THSD4: variants seen among roughly 807,000 people sequenced by gnomAD.
THSD4 encodes thrombospondin type 1 domain containing 4.
In THSD4, 69 loss-of-function variants were observed where a neutral mutation model predicts 119.0. The observed-to-expected ratio is 0.58, with a 90% CI of 0.48 to 0.71. The LOEUF (loss-of-function observed/expected upper bound fraction) is 0.71. Among genes scored for constraint, THSD4 ranks in the 30% least tolerant of loss-of-function variants. The pLI, the probability that THSD4 is intolerant of heterozygous loss-of-function variation, is 0.00. For synonymous variants in THSD4, 524 were observed against 540.4 expected (o/e 0.97, Z 0.42); for missense variants, 1,393 against 1,391.1 (o/e 1.00, Z -0.02).
chr15:71,411,058 T>G (rs1175663239), intron 6 of THSD4, among the ~76,000 whole-genome samples: 3 of 152,150 alleles, frequency 2.0e-5, no homozygotes, highest in Non-Finnish European at 4.4e-5. Flanking sequence ...ATAAAAATTA[T>G]GTGCTCACTG....
At chr15:71,616,288 A>T (rs2050317818) in intron 7 of THSD4, among the ~76,000 whole-genome samples, 1 of 152,212 alleles carries the variant, frequency 6.6e-6, no homozygotes, top group South Asian at 2.1e-4. Context: ...AGGTTTAAAA[A>T]GTGAATCTAA....
chr15:71,498,689 A>G (rs2048064502), intron 7 of THSD4, among the ~76,000 whole-genome samples: 1 of 151,832 alleles, frequency 6.6e-6, no homozygotes, highest in South Asian at 2.1e-4. Context: ...AACCAAGTTA[A>G]TCTTTTTTTT....
rs568978330 is a variant in THSD4, at chr15:71,695,714, G to A, written c.1358-32835G>A. The stretch of plus-strand genomic sequence containing the variant: ...CCCTGCACACTCAGGAGGCAGGACG[G>A]ATGTTGCTTTCTTCTTCCTTCACAA... On this transcript the variant is annotated intron_variant, in intron 8 of 17. Transcript: ENST00000261862. Among the ~76,000 whole-genome samples, 10 of 152,224 alleles carry A rather than the reference G, an allele frequency of 6.6e-5. No individual in the cohort carries two copies. The South Asian group carries it at 1.9e-3, about 28-fold the overall frequency.
chr15:71,233,591 T>C (rs1256336480), intron 4 of THSD4, among the ~76,000 whole-genome samples: 1 of 152,244 alleles, frequency 6.6e-6, no homozygotes, highest in Non-Finnish European at 1.5e-5. Flanking sequence ...TATCAGTATA[T>C]ACACAGCTGC....
chr15:71,180,619 C>A (rs1471200014), intron 3 of THSD4, among the ~76,000 whole-genome samples: 1 of 152,130 alleles, frequency 6.6e-6, no homozygotes, highest in African/African-American at 2.4e-5. Flanking sequence ...ATATAAGCAA[C>A]AACCGAAATA....
At chr15:71,389,896 A>C (rs1435656836) in intron 6 of THSD4, among the ~76,000 whole-genome samples, 3 of 136,312 alleles carry the variant, frequency 2.2e-5, no homozygotes, top group Non-Finnish European at 3.0e-5. Context: ...TGCAACCTCC[A>C]CCTCCTGGGT....
chr15:71,568,424 C>G (rs1308768621), intron 7 of THSD4, among the ~76,000 whole-genome samples: 1 of 152,094 alleles, frequency 6.6e-6, no homozygotes, highest in Non-Finnish European at 1.5e-5. Flanking sequence ...TTTGCTGAAT[C>G]AGGATTCAGG....
intron 2 of THSD4, among the ~76,000 whole-genome samples, chr15:71,148,299 A>C (rs2040684010): frequency 6.6e-6 from 1 of 152,118 alleles, no homozygotes; most frequent in Non-Finnish European, 1.5e-5. Flanking sequence ...AGTAAACAAC[A>C]CCTGATAGCA....
intron 6 of THSD4, among the ~76,000 whole-genome samples, chr15:71,259,150 A>G (rs964739173): frequency 1.3e-5 from 2 of 152,042 alleles, no homozygotes; most frequent in African/African-American, 4.8e-5. Context: ...GAAGAGGAGA[A>G]AGGACACAGA....
At chr15:71,301,026 T>C (rs1359155322) in intron 6 of THSD4, among the ~76,000 whole-genome samples, 1 of 152,224 alleles carries the variant, frequency 6.6e-6, no homozygotes, top group Non-Finnish European at 1.5e-5. Flanking sequence ...TTTAAAATAA[T>C]CTGGGCCTTT....
In THSD4 at chr15:71,401,924, A is replaced by G. The variant is rs183824634; in HGVS notation, c.1016-9763A>G. On this transcript the variant is annotated intron_variant, in intron 6 of 17. Coordinates refer to ENST00000261862, the MANE Select transcript of THSD4 (RefSeq NM_024817.3). ...ACACCATGGAATACTATGCAGCCAT[A>G]AAAAAGGATGAGTTCATGTCCTTTG... Among the ~76,000 whole-genome samples the G allele has an allele frequency of 3.2e-3, 494 of 152,302 alleles. 2 individuals are homozygous for G. The highest frequency in any genetic ancestry group is 0.011 in the African/African-American group (477 of 41,566).
intron 7 of THSD4, among the ~76,000 whole-genome samples, chr15:71,494,667 T>C (rs1056281030): frequency 3.3e-5 from 5 of 152,104 alleles, no homozygotes; most frequent in African/African-American, 1.2e-4. Context: ...GGTGGCTTTA[T>C]AAACCATTAC....
intron 3 of THSD4, among the ~76,000 whole-genome samples, chr15:71,201,760 C>A (rs1264530503): frequency 2.6e-5 from 4 of 152,064 alleles, no homozygotes; most frequent in African/African-American, 9.7e-5. Flanking sequence ...TGGCTCGGAG[C>A]CAGGGGGACT....
intron 11 of THSD4, among the ~76,000 whole-genome samples, chr15:71,740,149 G>T (rs2053207351): frequency 6.6e-6 from 1 of 152,112 alleles, no homozygotes; most frequent in Non-Finnish European, 1.5e-5. Context: ...AAAGAATCTG[G>T]ACTGCAGATT....
intron 11 of THSD4, among the ~76,000 whole-genome samples, chr15:71,744,680 C>T (rs1477673849): frequency 4.6e-5 from 7 of 152,284 alleles, no homozygotes; most frequent in Admixed American, 6.5e-5. Flanking sequence ...TTCTCTAGAA[C>T]GAAGCTTGGC....
intron 7 of THSD4, among the ~76,000 whole-genome samples, chr15:71,417,397 G>T (rs2046772433): frequency 9.3e-6 from 1 of 107,728 alleles, no homozygotes; most frequent in Non-Finnish European, 2.0e-5. Flanking sequence ...AATCCATTTT[G>T]GTTTGATTTT....
intron 7 of THSD4, among the ~76,000 whole-genome samples, chr15:71,518,912 A>C (rs1312402242): frequency 6.6e-6 from 1 of 152,218 alleles, no homozygotes; most frequent in African/African-American, 2.4e-5. Context: ...GATCTTATGG[A>C]GCATATGCCC....
chr15:71,204,478 A>G (rs1187825829), intron 3 of THSD4, among the ~76,000 whole-genome samples: 7 of 152,268 alleles, frequency 4.6e-5, no homozygotes, highest in South Asian at 2.1e-4. Flanking sequence ...AAGCGAATCA[A>G]TAAGTGGCAA....
At position 71,151,199 on chromosome 15, in the gene THSD4, G is replaced by A. The variant is rs77764237; in HGVS notation, c.30-3664G>A. On this transcript the variant is annotated intron_variant, in intron 2 of 17. Transcript: ENST00000261862. ...CAGGCAACCTGGAATGCAGTTCCTCGGAGTCAGAGGAAAACCTAGATGTGA... is the reference window on the plus strand; with the variant it reads ...CAGGCAACCTGGAATGCAGTTCCTCAGAGTCAGAGGAAAACCTAGATGTGA... Among the ~76,000 whole-genome samples, 748 of 152,208 alleles carry A rather than the reference G, an allele frequency of 4.9e-3. 7 individuals carry two copies. Among genetic ancestry groups the A allele is most frequent in the African/African-American group, 0.017 (720 of 41,546 alleles).
Sources: gnomAD v4.1 joint callset for allele counts (sites outside exome capture counted in the v4.1 genomes callset) on GRCh38, gnomAD v4.1.1 for gene constraint, MANE v1.5 for transcripts, NCBI Gene and HGNC (gene_info 2026-07-23, HGNC 2026-07-21) for gene names.